DNAJC27: variants seen among roughly 807,000 people sequenced by gnomAD.
DNAJC27 encodes the protein DnaJ heat shock protein family (Hsp40) member C27, also known as dnaJ homolog subfamily C member 27.
A neutral mutation model predicts 31.4 loss-of-function variants in DNAJC27; 25 were observed. That is an observed-to-expected ratio of 0.80 (90% confidence interval 0.58 to 1.11). The LOEUF is 1.11. Ranked by LOEUF, DNAJC27 falls within the 50% of genes most tolerant of loss-of-function variation. The pLI, the probability that DNAJC27 is intolerant of heterozygous loss-of-function variation, is 0.00. For synonymous variants in DNAJC27, 106 were observed against 112.7 expected (o/e 0.94, Z 0.37); for missense variants, 356 against 347.3 (o/e 1.02, Z -0.20).
chr2:24,970,559 G>A (rs953868835), intron 1 of DNAJC27, among the ~76,000 whole-genome samples: 7 of 146,014 alleles, frequency 4.8e-5, no homozygotes, highest in African/African-American at 1.3e-4. Context: ...CTGCCTCCCC[G>A]GCTTAAGCGA....
intron 6 of DNAJC27, among the ~76,000 whole-genome samples, chr2:24,950,299 C>T (rs1008556676): frequency 1.3e-5 from 2 of 152,058 alleles, no homozygotes; most frequent in African/African-American, 4.8e-5. Flanking sequence ...GCTTTGGGTG[C>T]TGACATGGCA....
chr2:24,967,225 G>A lies in DNAJC27; in HGVS notation c.156C>T (p.Asp52=). Residue 52 remains aspartate, a synonymous_variant, in exon 2 of 7, where the codon GAC becomes GAT. Transcript: ENST00000264711. The stretch of plus-strand genomic sequence containing the variant: ...AATATACTTACTTTGTGACTCCATA[G>A]TCAATTCCAATTGTTGCCAGGTATT... ...VSKYLATIGI[D]YGVTKVHVRD... 1 of 1,613,198 alleles carries A rather than the reference G, an allele frequency of 6.2e-7. No individual in the cohort carries two copies.
chr2:24,953,974 C>G (rs1665843817), intron 5 of DNAJC27, among the ~76,000 whole-genome samples: 2 of 152,136 alleles, frequency 1.3e-5, no homozygotes, highest in African/African-American at 4.8e-5. Context: ...CAAGACGGCT[C>G]CCTGAGAGAT....
At chr2:24,950,827 A>G (rs1665755027) in intron 6 of DNAJC27, among the ~76,000 whole-genome samples, 1 of 151,952 alleles carries the variant, frequency 6.6e-6, no homozygotes, top group African/African-American at 2.4e-5. Context: ...AGCCGGGGTG[A>G]TAAGAGTGAG....
chr2:24,957,839 T>C lies in DNAJC27; in HGVS notation c.376A>G (p.Asn126Asp), dbSNP rs753976312. The change falls in exon 4 of 7, where the codon AAT becomes GAT. Residue 126 changes from asparagine to aspartate, a missense_variant. Transcript: ENST00000264711. ...QELGPHGNME[N>D]IIFVVCANKI... is the part of the protein sequence containing the mutation. ...TTGGCACAAACTACAAATATAATAT[T>C]TTCCATGTTTCCATGAGGTCCAAGC... The C allele has an allele frequency of 8.7e-6, 14 of 1,614,050 alleles. No homozygotes were observed. In the South Asian group the frequency reaches 1.5e-4, roughly 18 times the overall value.
chr2:24,963,223 C>T, intron 3 of DNAJC27, 182 bp downstream of exon 3: 2 of 422,816 alleles, frequency 4.7e-6, no homozygotes. Flanking sequence ...CACTATTTAA[C>T]AGGATAACCT....
At chr2:24,954,772 C>A (rs1665865307) in intron 5 of DNAJC27, among the ~76,000 whole-genome samples, 1 of 152,206 alleles carries the variant, frequency 6.6e-6, no homozygotes, top group Non-Finnish European at 1.5e-5. Flanking sequence ...CCTGTCTCTA[C>A]TAAAAATACA....
intron 3 of DNAJC27, among the ~76,000 whole-genome samples, chr2:24,960,647 G>A (rs1326846726): frequency 6.6e-6 from 1 of 152,228 alleles, no homozygotes; most frequent in South Asian, 2.1e-4. Context: ...AAGTGAGACA[G>A]CATATTGCTG....
rs1192797296 is a variant in DNAJC27, at chr2:24,951,446, G to A, written c.637C>T (p.Arg213Ter). 5.0e-6 allele frequency: 8 copies of A among 1,613,780 alleles called. No individual in the cohort carries two copies. The highest frequency in any genetic ancestry group is 1.1e-5 in the South Asian group (1 of 91,014). ...ATGTCCCAACTGTCTTTACTATTTC[G>A]AATTCTGCGAATGGCATCTGCTTGT... is the stretch of plus-strand genomic sequence containing the variant. Reference protein sequence around the residue: ...KEQADAIRRIRNSKDSWDMLG... With the variant: ...KEQADAIRRI The change falls in exon 6 of 7, where the codon CGA becomes TGA. Residue 213 changes from arginine (R) to a stop codon, truncating the protein, a stop_gained. Coordinates refer to ENST00000264711, the MANE Select transcript of DNAJC27 (RefSeq NM_016544.3). LOFTEE classifies it high-confidence loss of function.
intron 1 of DNAJC27, among the ~76,000 whole-genome samples, chr2:24,970,504 G>A (rs1192366352): frequency 1.6e-5 from 2 of 127,610 alleles, no homozygotes; most frequent in African/African-American, 6.0e-5. Context: ...TCACTCTGCC[G>A]CCCAGGCTGG....
chr2:24,969,854 T>G (rs193128307), intron 1 of DNAJC27, among the ~76,000 whole-genome samples: 1 of 152,316 alleles, frequency 6.6e-6, no homozygotes, highest in East Asian at 1.9e-4. Context: ...TTCTTTGTTG[T>G]TTTCACATTA....
At chr2:24,950,864 A>AT (rs71397454) in intron 6 of DNAJC27, among the ~76,000 whole-genome samples, 14,721 of 152,018 alleles carry the variant, frequency 0.097, 929 homozygotes, top group East Asian at 0.25. Flanking sequence ...AAAAATAAAA[A>AT]AAAAAAATAA....
At chr2:24,949,051 A>C (rs1665708091) in intron 6 of DNAJC27, among the ~76,000 whole-genome samples, 1 of 152,182 alleles carries the variant, frequency 6.6e-6, no homozygotes, top group Non-Finnish European at 1.5e-5. Flanking sequence ...TCCAAGTCTT[A>C]GGCGTACATT....
At chr2:24,954,247 G>A (rs1665850461) in intron 5 of DNAJC27, among the ~76,000 whole-genome samples, 1 of 152,092 alleles carries the variant, frequency 6.6e-6, no homozygotes, top group African/African-American at 2.4e-5. Flanking sequence ...AGCTGCTATG[G>A]GGTTGAGAAC....
Position 24,944,958 on chromosome 2 carries a change from TATA to T in DNAJC27, c.*2655_*2657del, listed in dbSNP as rs1191877404. The T allele has an allele frequency of 5.9e-5, 9 of 152,756 alleles. No homozygotes were observed. In the East Asian group the frequency reaches 1.7e-3, roughly 29 times the overall value. 9.5% of individuals were successfully genotyped at this position (152,756 alleles called of 1,614,324 possible). A position where few individuals can be genotyped will look rare whatever the true frequency, so the allele number is the denominator to read the frequency against. On this transcript the variant is annotated 3_prime_UTR_variant, in exon 7 of 7. Coordinates refer to ENST00000264711, the MANE Select transcript of DNAJC27 (RefSeq NM_016544.3). Reference sequence around the variant, plus strand: ...TTCTTTTTTGAAAAACAAGATTCTCTATAAAAACGTTTTAGCCATTGTAATTAT... The same window carrying T: ...TTCTTTTTTGAAAAACAAGATTCTCTAAAACGTTTTAGCCATTGTAATTAT...
intron 1 of DNAJC27, among the ~76,000 whole-genome samples, chr2:24,970,728 A>AT (rs1666310850): frequency 6.6e-6 from 1 of 151,508 alleles, no homozygotes; most frequent in African/African-American, 2.4e-5. Flanking sequence ...GTGCTGATGT[A>AT]TTACAGGCCT....
In DNAJC27 at chr2:24,944,967, G is replaced by A. The variant is rs577693841; in HGVS notation, c.*2649C>T. The A allele has an allele frequency of 1.2e-3, 188 of 152,542 alleles. 1 individual carries two copies. The highest frequency in any genetic ancestry group is 4.4e-3 in the African/African-American group (181 of 41,532). 9.4% of individuals were successfully genotyped at this position (152,542 alleles called of 1,614,324 possible). ...GAAAAACAAGATTCTCTATAAAAAC[G>A]TTTTAGCCATTGTAATTATTCTGCT... On this transcript the variant is annotated 3_prime_UTR_variant, in exon 7 of 7. Coordinates refer to ENST00000264711, the MANE Select transcript of DNAJC27 (RefSeq NM_016544.3).
In DNAJC27 at chr2:24,946,482, G is replaced by A. The variant is rs1480001195; in HGVS notation, c.*1134C>T. 1.3e-5 allele frequency: 2 copies of A among 152,314 alleles called. No homozygotes were observed. The highest frequency in any genetic ancestry group is 2.9e-5 in the Non-Finnish European group (2 of 68,132). The allele number at this position is 152,314 out of a possible 1,614,324, so 9.4% of individuals were successfully genotyped here. On this transcript the variant is annotated 3_prime_UTR_variant, in exon 7 of 7. Transcript: ENST00000264711. Reference sequence around the variant, plus strand: ...GGGAAAAAAGGAAGAAACAACACTGGTGAGGAAGTGTAGAAGAGGCCAACT... The same window carrying A: ...GGGAAAAAAGGAAGAAACAACACTGATGAGGAAGTGTAGAAGAGGCCAACT...
At chr2:24,971,489 C>T (rs895340089) in intron 1 of DNAJC27, 8 of 204,430 alleles carry the variant, frequency 3.9e-5, no homozygotes, top group Non-Finnish European at 7.9e-5. Context: ...CGGTCCCGGA[C>T]GGCCCCCTAG....
Sources: gnomAD v4.1 joint callset for allele counts (sites outside exome capture counted in the v4.1 genomes callset) on GRCh38, gnomAD v4.1.1 for gene constraint, MANE v1.5 for transcripts, NCBI Gene and HGNC (gene_info 2026-07-23, HGNC 2026-07-21) for gene names.